Variants in TRIM44 observed in about 807,000 individuals in gnomAD.
TRIM44 encodes the protein tripartite motif containing 44.
In TRIM44, 13 loss-of-function variants were observed where a neutral mutation model predicts 37.4. The observed-to-expected ratio is 0.35, with a 90% CI of 0.23 to 0.55. TRIM44 has a LOEUF of 0.55. Among genes scored for constraint, TRIM44 ranks in the 20% least tolerant of loss-of-function variants. The pLI is 0.89. For synonymous variants in TRIM44, 175 were observed against 157.2 expected, an observed-to-expected ratio of 1.11 and a Z score of -0.85; for missense variants, 426 against 437.2, an observed-to-expected ratio of 0.97 and a Z score of 0.23.
In TRIM44 at chr11:35,806,310, C is replaced by T. The variant is rs781338463; in HGVS notation, c.1008-48C>T. ...TATCAACCAGTAGACTAGGCTGCCT[C>T]CCTTCTTGTGATATCTTAACTCACC... On this transcript the variant is annotated intron_variant, in intron 4 of 4. Coordinates refer to ENST00000299413, the MANE Select transcript of TRIM44 (RefSeq NM_017583.6). 2.2e-5 allele frequency: 35 copies of T among 1,609,214 alleles called. No homozygotes were observed. In the Admixed American group the frequency reaches 5.2e-4, roughly 24 times the overall value.
chr11:35,682,312 G>A (rs542006168), intron 1 of TRIM44, among the ~76,000 whole-genome samples: 61 of 152,238 alleles, frequency 4.0e-4, no homozygotes, highest in Admixed American at 3.7e-3. Context: ...GTGACCAAGA[G>A]GGGTATTCTC....
At chr11:35,709,090 G>A (rs1851931793) in intron 2 of TRIM44, among the ~76,000 whole-genome samples, 1 of 151,846 alleles carries the variant, frequency 6.6e-6, no homozygotes. Flanking sequence ...TCAGCCAATT[G>A]GTGCTGCAGT....
intron 4 of TRIM44, among the ~76,000 whole-genome samples, chr11:35,756,426 A>T (rs1218164144): frequency 2.6e-5 from 4 of 152,174 alleles, no homozygotes; most frequent in Non-Finnish European, 5.9e-5. Flanking sequence ...GGGGTTTTCT[A>T]GATATATAAT....
chr11:35,742,731 TAAATA>T (rs1434356919), intron 4 of TRIM44, among the ~76,000 whole-genome samples: 2 of 138,516 alleles, frequency 1.4e-5, no homozygotes, highest in Non-Finnish European at 3.1e-5. Flanking sequence ...ATAATTATAT[TAAATA>T]TAATTATATT....
chr11:35,683,985 A>G (rs750004091), intron 1 of TRIM44, among the ~76,000 whole-genome samples: 7 of 152,168 alleles, frequency 4.6e-5, no homozygotes, highest in Admixed American at 6.5e-5. Flanking sequence ...CTTGACATAC[A>G]TTAACTAATT....
intron 2 of TRIM44, among the ~76,000 whole-genome samples, chr11:35,716,128 A>G (rs982377731): frequency 6.6e-6 from 1 of 152,226 alleles, no homozygotes; most frequent in South Asian, 2.1e-4. Flanking sequence ...GCTGTGTTCC[A>G]AGCACCAAGG....
At chr11:35,780,978 C>CA (rs201791043) in intron 4 of TRIM44, among the ~76,000 whole-genome samples, 1,653 of 152,038 alleles carry the variant, frequency 0.011, 34 homozygotes, top group African/African-American at 0.038. Context: ...AAGAGCTAGA[C>CA]AAAAAAACTA....
intron 4 of TRIM44, among the ~76,000 whole-genome samples, chr11:35,771,594 A>T (rs928458608): frequency 6.6e-5 from 10 of 152,102 alleles, no homozygotes; most frequent in Non-Finnish European, 5.9e-5. Flanking sequence ...GCTTGTTGTC[A>T]GATGCCTGTA....
At chr11:35,739,274 G>A (rs1052600018) in intron 4 of TRIM44, among the ~76,000 whole-genome samples, 6 of 152,194 alleles carry the variant, frequency 3.9e-5, no homozygotes, top group African/African-American at 1.4e-4. Flanking sequence ...CTTGTCAAAT[G>A]AAGAAATTAA....
intron 3 of TRIM44, among the ~76,000 whole-genome samples, chr11:35,726,785 G>A (rs1319523545): frequency 2.0e-5 from 3 of 151,824 alleles, no homozygotes; most frequent in Non-Finnish European, 4.4e-5. Context: ...GGGAATAAAA[G>A]GGTCTTAGGC....
intron 1 of TRIM44, among the ~76,000 whole-genome samples, chr11:35,665,581 TA>T: frequency 1.4e-5 from 2 of 139,170 alleles, no homozygotes; most frequent in African/African-American, 2.6e-5. Context: ...AGTTTTTATA[TA>T]TCTGTTTTTT....
intron 4 of TRIM44, among the ~76,000 whole-genome samples, chr11:35,787,751 A>C (rs988001070): frequency 3.3e-5 from 5 of 152,130 alleles, no homozygotes; most frequent in Admixed American, 2.0e-4. Context: ...GTGAGTGTCA[A>C]TGTCAGGGAA....
In TRIM44 at chr11:35,703,191, A is replaced by G. The variant is rs921915194; in HGVS notation, c.747+17855A>G. Among the ~76,000 whole-genome samples, 8 of 152,334 alleles carry G rather than the reference A, an allele frequency of 5.3e-5. 1 individual carries two copies. Among genetic ancestry groups the G allele is most frequent in the Admixed American group, 5.2e-4 (8 of 15,308 alleles). On this transcript the variant is annotated intron_variant, in intron 2 of 4. Coordinates refer to ENST00000299413, the MANE Select transcript of TRIM44 (RefSeq NM_017583.6). ...GACTGAGATAAACCTGCAAGGCGGA[A>G]GCAAGGCTGAGGGAGGGGTGCCCGC...
At chr11:35,671,443 G>T (rs150527201) in intron 1 of TRIM44, among the ~76,000 whole-genome samples, 17 of 152,328 alleles carry the variant, frequency 1.1e-4, no homozygotes, top group African/African-American at 4.1e-4. Flanking sequence ...CACATTGTTA[G>T]TGCTCACTAA....
chr11:35,761,260 A>G (rs2938183), intron 4 of TRIM44, among the ~76,000 whole-genome samples: 66 of 152,232 alleles, frequency 4.3e-4, no homozygotes, highest in Middle Eastern at 3.4e-3. Flanking sequence ...TGGACTTACC[A>G]CTTCTCTATT....
intron 3 of TRIM44, among the ~76,000 whole-genome samples, chr11:35,726,642 G>C (rs1852178639): frequency 6.6e-6 from 1 of 150,702 alleles, no homozygotes; most frequent in Non-Finnish European, 1.5e-5. Context: ...AGGCATAACT[G>C]CTGGATTAAG....
chr11:35,676,578 A>C (rs1644495139), intron 1 of TRIM44, among the ~76,000 whole-genome samples: 1 of 152,210 alleles, frequency 6.6e-6, no homozygotes, highest in African/African-American at 2.4e-5. Context: ...ATTCTGTTTT[A>C]CATTCTGAAC....
Position 35,811,490 on chromosome 11 carries a change from T to G in TRIM44, c.*5105T>G, listed in dbSNP as rs1239870515. ...AGTTAGGCCAACAAAATCTTTGTTTTGTGAAACTTTAGAAATACATATTTG... is the reference window on the plus strand; with the variant it reads ...AGTTAGGCCAACAAAATCTTTGTTTGGTGAAACTTTAGAAATACATATTTG... On this transcript the variant is annotated 3_prime_UTR_variant, in exon 5 of 5. Transcript: ENST00000299413. 6.6e-6 allele frequency: 1 copy of G among 152,228 alleles called. No individual in the cohort carries two copies. The highest frequency in any genetic ancestry group is 1.5e-5 in the Non-Finnish European group (1 of 68,034). The allele number at this position is 152,228 out of a possible 1,614,324, so 9.4% of individuals were successfully genotyped here. A position where few individuals can be genotyped will look rare whatever the true frequency, so the allele number is the denominator to read the frequency against.
intron 4 of TRIM44, among the ~76,000 whole-genome samples, chr11:35,779,869 G>A (rs907522699): frequency 1.2e-4 from 15 of 124,354 alleles, no homozygotes; most frequent in African/African-American, 4.3e-4. Flanking sequence ...TTTCCCCTTT[G>A]CCTATTTTTT....
Sources: allele counts gnomAD v4.1 joint callset (sites outside exome capture counted in the v4.1 genomes callset), GRCh38; gene constraint gnomAD v4.1.1; transcripts MANE v1.5; gene names NCBI Gene and HGNC (gene_info 2026-07-23, HGNC 2026-07-21).